Variants in HECW1 observed in about 807,000 individuals in gnomAD.
The protein encoded by HECW1 is HECT, C2 and WW domain containing E3 ubiquitin protein ligase 1, also known as E3 ubiquitin-protein ligase HECW1.
A neutral mutation model predicts 182.3 loss-of-function variants in HECW1; 61 were observed. That is an observed-to-expected ratio of 0.33 (90% CI 0.27 to 0.41). The LOEUF is 0.41. HECW1 is among the 10% of genes least tolerant of loss of function. The pLI, the probability that HECW1 is intolerant of heterozygous loss-of-function variation, is 1.00. For missense variants in HECW1, 1,739 were observed against 2,108.9 expected (o/e 0.82, Z 3.44); for synonymous variants, 859 against 832.6 (o/e 1.03, Z -0.55).
At chr7:43,176,534 G>A (rs1296654254) in intron 2 of HECW1, among the ~76,000 whole-genome samples, 3 of 152,200 alleles carry the variant, frequency 2.0e-5, no homozygotes, top group Non-Finnish European at 2.9e-5. Context: ...CTCTGCAGAG[G>A]CCTGAGGTGG....
chr7:43,374,768 C>A (rs2074254466), intron 6 of HECW1, among the ~76,000 whole-genome samples: 1 of 28,058 alleles, frequency 3.6e-5, no homozygotes, highest in Non-Finnish European at 5.3e-5. Flanking sequence ...AGCTAGACTC[C>A]GTCTCAAAAA....
chr7:43,363,907 G>A (rs1227827028), intron 6 of HECW1, among the ~76,000 whole-genome samples: 1 of 152,160 alleles, frequency 6.6e-6, no homozygotes, highest in African/African-American at 2.4e-5. Flanking sequence ...CTCAGTTTGG[G>A]TATAATCTAG....
chr7:43,274,538 G>A (rs1584280540), intron 3 of HECW1: 1 of 561,664 alleles, frequency 1.8e-6, no homozygotes, highest in Non-Finnish European at 3.3e-6. Flanking sequence ...AACAAGTGCC[G>A]CCGGGCCACG....
At chr7:43,412,390 C>A (rs1022366041) in intron 8 of HECW1, among the ~76,000 whole-genome samples, 8 of 151,430 alleles carry the variant, frequency 5.3e-5, no homozygotes, top group Non-Finnish European at 8.8e-5. Context: ...TTAATGCCTC[C>A]CCATACATTT....
chr7:43,451,727 T>A (rs1371510551), intron 12 of HECW1, among the ~76,000 whole-genome samples: 1 of 152,218 alleles, frequency 6.6e-6, no homozygotes, highest in Non-Finnish European at 1.5e-5. Flanking sequence ...ACCCCAGACA[T>A]TATATATTCA....
At chr7:43,490,267 T>C (rs2078878955) in intron 17 of HECW1, among the ~76,000 whole-genome samples, 1 of 152,170 alleles carries the variant, frequency 6.6e-6, no homozygotes, top group African/African-American at 2.4e-5. Flanking sequence ...CTGAGCTGCT[T>C]CCGTACCATG....
At chr7:43,140,685 G>T (rs946332110) in intron 2 of HECW1, among the ~76,000 whole-genome samples, 1 of 152,208 alleles carries the variant, frequency 6.6e-6, no homozygotes, top group African/African-American at 2.4e-5. Flanking sequence ...CCAAAGTAAT[G>T]CAAATGCTCC....
intron 2 of HECW1, among the ~76,000 whole-genome samples, chr7:43,213,325 A>T (rs1017549214): frequency 1.3e-5 from 2 of 152,052 alleles, no homozygotes; most frequent in Admixed American, 6.6e-5. Flanking sequence ...CATAAATGAC[A>T]TGTGCTTATT....
At chr7:43,176,242 T>C (rs1792234106) in intron 2 of HECW1, among the ~76,000 whole-genome samples, 2 of 152,138 alleles carry the variant, frequency 1.3e-5, no homozygotes, top group South Asian at 2.1e-4. Flanking sequence ...ACTCTCAATG[T>C]CTCCTTTTGC....
At chr7:43,267,855 TAAG>T (rs1415862284) in intron 3 of HECW1, among the ~76,000 whole-genome samples, 3 of 152,174 alleles carry the variant, frequency 2.0e-5, no homozygotes, top group African/African-American at 7.2e-5. Context: ...TTACCATACT[TAAG>T]AAGTAGAAAA....
At chr7:43,547,328 C>T (rs760909662) in intron 26 of HECW1, among the ~76,000 whole-genome samples, 5 of 152,048 alleles carry the variant, frequency 3.3e-5, no homozygotes, top group Non-Finnish European at 4.4e-5. Flanking sequence ...GTGGGCAGAT[C>T]GCAAAGTCAA....
chr7:43,511,906 G>A, intron 24 of HECW1: 1 of 187,720 alleles, frequency 5.3e-6, no homozygotes, highest in East Asian at 8.4e-5. Context: ...GGGTGCTGTG[G>A]CACCTGCCTG....
intron 5 of HECW1, among the ~76,000 whole-genome samples, chr7:43,328,610 A>C (rs1418800705): frequency 2.6e-5 from 4 of 152,248 alleles, no homozygotes; most frequent in Non-Finnish European, 4.4e-5. Flanking sequence ...ATTCCATTGC[A>C]TCTGGGGGAC....
chr7:43,474,326 G>A (rs2078139315), intron 16 of HECW1, among the ~76,000 whole-genome samples: 1 of 152,138 alleles, frequency 6.6e-6, no homozygotes, highest in Non-Finnish European at 1.5e-5. Flanking sequence ...GCGGGTGCCT[G>A]TAGTCCCAGC....
At chr7:43,559,655 G>C (rs12702050) in intron 29 of HECW1, among the ~76,000 whole-genome samples, 6 of 151,838 alleles carry the variant, frequency 4.0e-5, no homozygotes, top group African/African-American at 1.5e-4. Flanking sequence ...ACCGGGGTCA[G>C]CATAGAAGTC....
intron 8 of HECW1, among the ~76,000 whole-genome samples, chr7:43,435,570 T>C (rs944795321): frequency 1.3e-5 from 2 of 152,216 alleles, no homozygotes; most frequent in African/African-American, 2.4e-5. Flanking sequence ...TTATACTTCC[T>C]GCTCCCTGAG....
intron 3 of HECW1, among the ~76,000 whole-genome samples, chr7:43,270,109 CTG>C (rs1340897773): frequency 6.6e-6 from 1 of 152,152 alleles, no homozygotes; most frequent in Admixed American, 6.5e-5. Flanking sequence ...TTTTGAAATT[CTG>C]TGTGTTATCT....
chr7:43,450,984 G>T, intron 12 of HECW1, 55 bp downstream of exon 12: 1 of 1,223,878 alleles, frequency 8.2e-7, no homozygotes, highest in Admixed American at 1.7e-5. Flanking sequence ...AGTCTAAGCA[G>T]GTCAGTATGA....
chr7:43,113,672 G>T (rs371489488), intron 1 of HECW1: 64 of 187,434 alleles, frequency 3.4e-4, no homozygotes, highest in African/African-American at 1.4e-3. Context: ...GGGGCGGGGA[G>T]GGGGGGGGAA....
Sources: gnomAD v4.1 joint callset for allele counts (sites outside exome capture counted in the v4.1 genomes callset) on GRCh38, gnomAD v4.1.1 for gene constraint, MANE v1.5 for transcripts, NCBI Gene and HGNC (gene_info 2026-07-23, HGNC 2026-07-21) for gene names.